DDAH1: variants seen among roughly 807,000 people sequenced by gnomAD.
DDAH1 encodes the protein N(G),N(G)-dimethylarginine dimethylaminohydrolase 1.
In DDAH1, 19 loss-of-function variants were observed where a neutral mutation model predicts 28.8. That is an observed-to-expected ratio of 0.66 (90% CI 0.46 to 0.97). The LOEUF (loss-of-function observed/expected upper bound fraction) is 0.97, where lower values mean the gene tolerates loss of function less well. Ranked by LOEUF, DDAH1 falls within the 50% of genes least tolerant of loss-of-function variation. The pLI is 0.00. For missense variants in DDAH1, 326 were observed against 375.9 expected (o/e 0.87, Z 1.10); for synonymous variants, 153 against 154.4 (o/e 0.99, Z 0.07).
chr1:85,554,936 T>C lies in DDAH1; in HGVS notation c.-123+23048A>G, dbSNP rs576355534. Among the ~76,000 whole-genome samples, 68 of 152,362 alleles carry C rather than the reference T, an allele frequency of 4.5e-4. 1 individual carries two copies. Among genetic ancestry groups the C allele is most frequent in the South Asian group, 2.3e-3 (11 of 4,830 alleles). On this transcript the variant is annotated intron_variant, in intron 1 of 6. Coordinates refer to the DDAH1 transcript ENST00000426972. ...ACAGGCAAATGCATACTAATTAACA[T>C]GTACATTGTTATTTAAATATTTAAG...
At position 85,350,521 on chromosome 1, in the gene DDAH1, G is replaced by A. The variant is rs267598740; in HGVS notation, c.491C>T (p.Ser164Phe). ...CAACCCATCTGCCACTGGCACTGTG[G>A]AGACTGCATAGTCCTACGTGGACAA... ...LADTFKDYAV[S>F]TVPVADGLHL... Residue 164 changes from serine to phenylalanine, a missense_variant, in exon 4 of 6, where the codon TCC (serine) becomes TTC (phenylalanine). By Grantham distance (155) the Ser-to-Phe change is radical (BLOSUM62 -2). Coordinates refer to ENST00000284031, the MANE Select transcript of DDAH1 (RefSeq NM_012137.4). 1 of 1,614,104 alleles carries A rather than the reference G, an allele frequency of 6.2e-7. No homozygotes were observed. Among genetic ancestry groups the A allele is most frequent in the Non-Finnish European group, 8.5e-7 (1 of 1,179,994 alleles).
intron 1 of DDAH1, among the ~76,000 whole-genome samples, chr1:85,396,327 C>G (rs1010213963): frequency 9.9e-5 from 15 of 152,238 alleles, no homozygotes; most frequent in African/African-American, 3.1e-4. Flanking sequence ...ACAAAAGCCT[C>G]AGGAAGCTTC....
intron 1 of DDAH1, among the ~76,000 whole-genome samples, chr1:85,550,748 A>AAC (rs138890092): frequency 0.024 from 3,577 of 150,676 alleles, 67 homozygotes; most frequent in African/African-American, 0.049. Flanking sequence ...AATAATAAAA[A>AAC]ACACACACAC....
At chr1:85,524,417 T>G (rs1383463937) in intron 1 of DDAH1, among the ~76,000 whole-genome samples, 17 of 150,712 alleles carry the variant, frequency 1.1e-4, no homozygotes, top group Admixed American at 9.3e-4. Context: ...TAACCCTGGT[T>G]GTACAACAGA....
At chr1:85,465,708 G>A (rs147463553), upstream of DDAH1, among the ~76,000 whole-genome samples, 22 of 152,266 alleles carry the variant, frequency 1.4e-4, no homozygotes, top group East Asian at 4.1e-3. Context: ...TCACAAAACA[G>A]CATTTGCATA....
intron 1 of DDAH1, among the ~76,000 whole-genome samples, chr1:85,385,404 T>C (rs942821426): frequency 1.3e-5 from 2 of 152,216 alleles, no homozygotes; most frequent in African/African-American, 4.8e-5. Flanking sequence ...TTACTGACTG[T>C]ATTCTTTAAC....
intron 2 of DDAH1, among the ~76,000 whole-genome samples, chr1:85,473,573 A>G (rs1655693167): frequency 6.6e-6 from 1 of 151,780 alleles, no homozygotes; most frequent in Admixed American, 6.6e-5. Flanking sequence ...CTTACGAAGC[A>G]CAGAGAAATG....
chr1:85,519,978 T>TATTTATG (rs1557718504), intron 1 of DDAH1, among the ~76,000 whole-genome samples: 13 of 54,438 alleles, frequency 2.4e-4, no homozygotes, highest in Admixed American at 1.1e-3. Flanking sequence ...TCCCCTTTAT[T>TATTTATG]TATTTATTTA....
At chr1:85,449,650 AG>A (rs2100667365) in intron 1 of DDAH1, among the ~76,000 whole-genome samples, 1 of 152,280 alleles carries the variant, frequency 6.6e-6, no homozygotes, top group South Asian at 2.1e-4. Flanking sequence ...TTGCGGGTGA[AG>A]GATTAGCTGG....
At chr1:85,532,574 A>T (rs1490334124) in intron 1 of DDAH1, among the ~76,000 whole-genome samples, 1 of 151,880 alleles carries the variant, frequency 6.6e-6, no homozygotes, top group Non-Finnish European at 1.5e-5. Flanking sequence ...ATTTCACAAC[A>T]ACTTATGAGT....
upstream of DDAH1, among the ~76,000 whole-genome samples, chr1:85,466,496 G>A (rs1404030038): frequency 2.0e-5 from 3 of 152,172 alleles, no homozygotes; most frequent in Non-Finnish European, 4.4e-5. Context: ...TGATCCACCC[G>A]CCTCCACCTC....
intron 1 of DDAH1, chr1:85,521,762 C>T (rs373356684): frequency 1.6e-5 from 5 of 306,262 alleles, no homozygotes; most frequent in East Asian, 3.4e-4. Context: ...ATCCGGCTCA[C>T]GTCCTTCTCC....
In DDAH1 at chr1:85,337,598, C is replaced by T. The variant is rs1026490492; in HGVS notation, c.598-12715G>A. Among the ~76,000 whole-genome samples, 5 of 152,156 alleles carry T rather than the reference C, an allele frequency of 3.3e-5. No individual in the cohort carries two copies. In the South Asian group the frequency reaches 1.0e-3, roughly 32 times the overall value. ...CCTCCCGAGTAGCTGGGACTACAGG[C>T]ACACACCACCATGACCAGCTAATTT... is the stretch of plus-strand genomic sequence containing the variant. On this transcript the variant is annotated intron_variant, in intron 4 of 5. Transcript: ENST00000284031.
At chr1:85,438,239 G>A (rs1417216445) in intron 1 of DDAH1, among the ~76,000 whole-genome samples, 1 of 152,110 alleles carries the variant, frequency 6.6e-6, no homozygotes, top group Non-Finnish European at 1.5e-5. Context: ...CTCAGTACCT[G>A]GGTGATGAAC....
chr1:85,562,172 AT>A (rs1179635987), intron 1 of DDAH1, among the ~76,000 whole-genome samples: 3 of 152,198 alleles, frequency 2.0e-5, no homozygotes, highest in African/African-American at 7.2e-5. Flanking sequence ...CAATGGCTTT[AT>A]TAAAAAAAAA....
In DDAH1 at chr1:85,422,317, T is replaced by C. The variant is rs559296081; in HGVS notation, c.303+42426A>G. 5.9e-5 allele frequency among the ~76,000 whole-genome samples: 9 copies of C among 152,320 alleles called. No individual in the cohort carries two copies. The East Asian group carries it at 1.2e-3, about 20-fold the overall frequency. ...TTGGATACAACTCCTCTATCAGATA[T>C]GTGTTTTGCAAGTATTTTCTCCCAT... On this transcript the variant is annotated intron_variant, in intron 1 of 5. Transcript: ENST00000284031.
At chr1:85,433,073 C>CAT (rs1653771315) in intron 1 of DDAH1, among the ~76,000 whole-genome samples, 1 of 152,144 alleles carries the variant, frequency 6.6e-6, no homozygotes, top group South Asian at 2.1e-4. Context: ...CCAGACTATA[C>CAT]ATATATATGC....
intron 2 of DDAH1, among the ~76,000 whole-genome samples, chr1:85,477,899 A>G (rs886206806): frequency 6.6e-6 from 1 of 152,140 alleles, no homozygotes; most frequent in Non-Finnish European, 1.5e-5. Context: ...ATTCCCTAGT[A>G]TATGGGCTTC....
At chr1:85,328,549 C>T (rs992685415) in intron 4 of DDAH1, among the ~76,000 whole-genome samples, 2 of 152,138 alleles carry the variant, frequency 1.3e-5, no homozygotes, top group African/African-American at 4.8e-5. Flanking sequence ...TGAGGGTGGA[C>T]CAAGATGGCC....
Sources: allele counts gnomAD v4.1 joint callset (sites outside exome capture counted in the v4.1 genomes callset), GRCh38; gene constraint gnomAD v4.1.1; transcripts MANE v1.5; gene names NCBI Gene and HGNC (gene_info 2026-07-23, HGNC 2026-07-21).